Variants in EYA3 observed in about 807,000 individuals in gnomAD.
EYA3 encodes EYA transcriptional coactivator and phosphatase 3, also known as protein phosphatase EYA3.
In EYA3, 39 loss-of-function variants were observed where a neutral mutation model predicts 80.0. The ratio of observed to expected loss-of-function variants is 0.49; its 90% CI spans 0.38 to 0.64. The LOEUF (loss-of-function observed/expected upper bound fraction) is 0.64, where lower values mean the gene tolerates loss of function less well. Among genes scored for constraint, EYA3 ranks in the 30% least tolerant of loss-of-function variants. The pLI, the probability that EYA3 is intolerant of heterozygous loss-of-function variation, is 0.00. For missense variants in EYA3, 523 were observed against 676.1 expected (o/e 0.77, Z 2.51); for synonymous variants, 206 against 232.8 (o/e 0.88, Z 1.05).
chr1:28,027,600 T>A (rs924811431), intron 7 of EYA3, among the ~76,000 whole-genome samples, 189 bp downstream of exon 7: 1 of 152,202 alleles, frequency 6.6e-6, no homozygotes, highest in Non-Finnish European at 1.5e-5. Flanking sequence ...AAACTACTTA[T>A]AAACCACACT....
intron 11 of EYA3, 91 bp downstream of exon 11, chr1:28,004,245 G>T: frequency 1.1e-6 from 1 of 872,322 alleles, no homozygotes; most frequent in Non-Finnish European, 1.8e-6. Context: ...AGCCAACAGG[G>T]GTAGCAGAGA....
At position 27,978,076 on chromosome 1, in the gene EYA3, TGAAGATG is replaced by T. The variant is rs1280551785; in HGVS notation, c.1641+291_1641+297del. On this transcript the variant is annotated intron_variant, in intron 17 of 17. Transcript: ENST00000373871. ...CTGATGCTTGAGAAGGCACTGTCTT[TGAAGATG>T]GAAGATGGGGCACATCTCAGGTTTA... Among the ~76,000 whole-genome samples, 6 of 152,120 alleles carry T rather than the reference TGAAGATG, an allele frequency of 3.9e-5. No homozygotes were observed. The East Asian group carries it at 1.2e-3, about 29-fold the overall frequency.
At chr1:28,005,933 C>T (rs529876238) in intron 10 of EYA3, among the ~76,000 whole-genome samples, 9 of 151,754 alleles carry the variant, frequency 5.9e-5, no homozygotes, top group Admixed American at 5.2e-4. Context: ...GGTGAAACCT[C>T]GTCTCTACTA....
rs1455192124 is a variant in EYA3, at chr1:28,027,786, T to C, written c.499+3A>G. ...AAACACACACACAACCATGCCTATT[T>C]ACCTTGAATGGGATAAGAATAATGT... On this transcript the variant is annotated splice_donor_region_variant and intron_variant, in intron 7 of 17. Transcript: ENST00000373871. 2 of 1,613,890 alleles carry C rather than the reference T, an allele frequency of 1.2e-6. No homozygotes were observed. The highest frequency in any genetic ancestry group is 1.7e-6 in the Non-Finnish European group (2 of 1,179,926).
intron 7 of EYA3, among the ~76,000 whole-genome samples, chr1:28,023,238 C>CA (rs1163716811): frequency 2.0e-5 from 3 of 151,794 alleles, no homozygotes; most frequent in Non-Finnish European, 2.9e-5. Flanking sequence ...TAGGAGTCCA[C>CA]AAAAAAATGA....
At chr1:28,054,434 G>T (rs920408187) in intron 2 of EYA3, among the ~76,000 whole-genome samples, 3 of 152,116 alleles carry the variant, frequency 2.0e-5, no homozygotes, top group Non-Finnish European at 4.4e-5. Flanking sequence ...TTTTCAAAAA[G>T]AGTTTATTCC....
In EYA3 at chr1:27,971,078, C is replaced by T. The variant is rs866045371; in HGVS notation, c.*3388G>A. 3.3e-5 allele frequency: 5 copies of T among 152,192 alleles called. No individual in the cohort carries two copies. The highest frequency in any genetic ancestry group is 4.8e-5 in the African/African-American group (2 of 41,432). The allele number at this position is 152,192 out of a possible 1,614,324, so 9.4% of individuals were successfully genotyped here. On this transcript the variant is annotated 3_prime_UTR_variant, in exon 18 of 18. Coordinates refer to ENST00000373871, the MANE Select transcript of EYA3 (RefSeq NM_001990.4). ...CTAGCTTTACAGAAGACAGGAACGC[C>T]GCAAATCAAACAAAAGCCCAGATGG...
At chr1:28,015,086 C>T (rs1374999026) in intron 8 of EYA3, among the ~76,000 whole-genome samples, 1 of 152,104 alleles carries the variant, frequency 6.6e-6, no homozygotes, top group African/African-American at 2.4e-5. Flanking sequence ...TAGCAGAACT[C>T]AAGGGAGTTA....
intron 13 of EYA3, among the ~76,000 whole-genome samples, chr1:27,995,498 G>C (rs1400310357): frequency 6.6e-6 from 1 of 151,374 alleles, no homozygotes; most frequent in Non-Finnish European, 1.5e-5. Context: ...GCACTTTGAG[G>C]GGCTGAGGTG....
chr1:27,974,995 T>C (rs1037591354), intron 17 of EYA3, among the ~76,000 whole-genome samples: 1 of 152,120 alleles, frequency 6.6e-6, no homozygotes, highest in East Asian at 1.9e-4. Context: ...GGTGAAAAAT[T>C]AGTATTTGAT....
At chr1:28,014,455 C>T (rs1641907953) in intron 8 of EYA3, among the ~76,000 whole-genome samples, 1 of 145,472 alleles carries the variant, frequency 6.9e-6, no homozygotes, top group Admixed American at 7.0e-5. Context: ...AGGCCAGGCA[C>T]GGGAGCTCAC....
chr1:27,991,859 G>A (rs1180079249), intron 14 of EYA3, among the ~76,000 whole-genome samples: 2 of 152,064 alleles, frequency 1.3e-5, no homozygotes, highest in Non-Finnish European at 2.9e-5. Flanking sequence ...CCAGGTCCAG[G>A]CATTGGGCAG....
rs566712163 is a variant in EYA3, at chr1:28,052,137, T to C, written c.34-3711A>G. ...ATTTCTCACGCCTTGGCCTCCCGAG[T>C]AGCTGGGACTACAGGTGCGTGCCAC... On this transcript the variant is annotated intron_variant, in intron 2 of 17. Coordinates refer to ENST00000373871, the MANE Select transcript of EYA3 (RefSeq NM_001990.4). Among the ~76,000 whole-genome samples the C allele has an allele frequency of 2.6e-5, 4 of 152,134 alleles. No homozygotes were observed. The East Asian group carries it at 7.7e-4, about 29-fold the overall frequency.
chr1:27,980,935 A>G (rs1639258434), intron 16 of EYA3, among the ~76,000 whole-genome samples: 1 of 152,184 alleles, frequency 6.6e-6, no homozygotes, highest in African/African-American at 2.4e-5. Flanking sequence ...CTGGCTACTC[A>G]GGAGGCTGAT....
At chr1:28,067,809 T>G (rs1039069019) in intron 1 of EYA3, among the ~76,000 whole-genome samples, 1 of 152,224 alleles carries the variant, frequency 6.6e-6, no homozygotes, top group African/African-American at 2.4e-5. Flanking sequence ...TTCACTCTAT[T>G]GGACAGACAC....
intron 3 of EYA3, among the ~76,000 whole-genome samples, chr1:28,044,923 C>A (rs139705291): frequency 0.016 from 2,369 of 152,050 alleles, 56 homozygotes; most frequent in African/African-American, 0.054. Flanking sequence ...AGGCATGTGC[C>A]ACAACACCCA....
At chr1:28,067,949 T>C (rs1188451531) in intron 1 of EYA3, among the ~76,000 whole-genome samples, 1 of 152,226 alleles carries the variant, frequency 6.6e-6, no homozygotes, top group African/African-American at 2.4e-5. Context: ...CACTGCCTCA[T>C]GAACCTGTAA....
At chr1:28,022,823 C>T (rs962679886) in intron 7 of EYA3, among the ~76,000 whole-genome samples, 8 of 152,038 alleles carry the variant, frequency 5.3e-5, no homozygotes, top group Admixed American at 2.0e-4. Context: ...TCAGGCGATC[C>T]TCCCACCTCA....
At chr1:28,020,772 T>C (rs777305372) in intron 7 of EYA3, among the ~76,000 whole-genome samples, 4 of 150,832 alleles carry the variant, frequency 2.7e-5, no homozygotes, top group African/African-American at 9.8e-5. Flanking sequence ...CAATGAACTA[T>C]GCAACAAAAA....
Sources: allele counts gnomAD v4.1 joint callset (sites outside exome capture counted in the v4.1 genomes callset), GRCh38; gene constraint gnomAD v4.1.1; transcripts MANE v1.5; gene names NCBI Gene and HGNC (gene_info 2026-07-23, HGNC 2026-07-21).